The following ACAD9 variants were observed in gnomAD, a reference collection of about 807,000 sequenced individuals.
ACAD9 encodes the protein acyl-CoA dehydrogenase family member 9.
Under a neutral mutation model 70.2 loss-of-function variants are expected in ACAD9, and 53 were observed. The observed-to-expected ratio is 0.75, with a 90% CI of 0.61 to 0.95. The LOEUF is 0.95. ACAD9 is among the 40% of genes least tolerant of loss of function. ACAD9 has a pLI of 0.00. For missense variants in ACAD9, 777 were observed against 802.8 expected (o/e 0.97, Z 0.39); for synonymous variants, 313 against 312.1 (o/e 1.00, Z -0.03).
intron 2 of ACAD9, among the ~76,000 whole-genome samples, chr3:128,887,450 T>G (rs3898708): frequency 0.049 from 7,456 of 151,054 alleles, 375 homozygotes; most frequent in African/African-American, 0.12. Context: ...TACTAAAAAT[T>G]TAAAATATTA....
Position 128,910,785 on chromosome 3 carries a change from T to G in ACAD9, c.1737T>G (p.Asn579Lys), listed in dbSNP as rs1334917428. 1 of 1,614,146 alleles carries G rather than the reference T, an allele frequency of 6.2e-7. No individual in the cohort carries two copies. The highest frequency in any genetic ancestry group is 2.2e-5 in the East Asian group (1 of 44,866). Residue 579 changes from asparagine to lysine, a missense_variant, in exon 17 of 18, where the codon AAT becomes AAG. Physicochemically the swap from Asn to Lys is moderately conservative, Grantham distance 94. Coordinates refer to ENST00000308982, the MANE Select transcript of ACAD9 (RefSeq NM_014049.5). ...TCTGCGTGGAAGCTTACTTGCAGAATCTCTTCAGCCTCTCTCAGCTGGACA... is the reference window on the plus strand; with the variant it reads ...TCTGCGTGGAAGCTTACTTGCAGAAGCTCTTCAGCCTCTCTCAGCTGGACA... ...NTFCVEAYLQ[N>K]LFSLSQLDKY...
In ACAD9 at chr3:128,912,571, C is replaced by T. The variant is rs1026660526; in HGVS notation, c.1830C>T (p.Ala610=). 4.3e-6 allele frequency: 7 copies of T among 1,614,046 alleles called. No homozygotes were observed. The highest frequency in any genetic ancestry group is 5.9e-6 in the Non-Finnish European group (7 of 1,180,032). Residue 610 remains alanine (A), a synonymous_variant, in exon 18 of 18, where the codon GCC becomes GCT. Transcript: ENST00000308982. ...CCCAGCAGATCCTTGAGAAGCGAGC[C>T]TATATCTGTGCCCACCCTCTGGACA... is the stretch of plus-strand genomic sequence containing the variant. ...KVSQQILEKR[A]YICAHPLDRT...
chr3:128,909,924 C>A, intron 15 of ACAD9, 97 bp from the exon 16 acceptor site: 1 of 1,540,770 alleles, frequency 6.5e-7, no homozygotes, highest in Non-Finnish European at 8.9e-7. Context: ...TCAAGGAACA[C>A]AGGAGACTAA....
chr3:128,896,690 C>T (rs974500963), intron 5 of ACAD9, among the ~76,000 whole-genome samples, 154 bp downstream of exon 5: 5 of 152,222 alleles, frequency 3.3e-5, no homozygotes, highest in Non-Finnish European at 7.3e-5. Flanking sequence ...TGCCATTCCT[C>T]TTATCTTGAC....
chr3:128,894,200 T>A (rs1330842392), intron 3 of ACAD9, among the ~76,000 whole-genome samples: 2 of 152,130 alleles, frequency 1.3e-5, no homozygotes, highest in Non-Finnish European at 2.9e-5. Context: ...TGATATAAAA[T>A]TATAAAGGCC....
In ACAD9 at chr3:128,901,356, TGCCAGCCACAGCCCCTTGTACCAGGTA is replaced by T. The variant is rs2107655569; in HGVS notation, c.882+9_882+35del. ...GGTCGGAGATGGGTTTAAGGTGAGT[TGCCAGCCACAGCCCCTTGTACCAGGTA>T]GTGTCATGAGTGCAGTTTGTCGCCC... is the stretch of plus-strand genomic sequence containing the variant. On this transcript the variant is annotated splice_region_variant and intron_variant, in intron 8 of 17. Coordinates refer to ENST00000308982, the MANE Select transcript of ACAD9 (RefSeq NM_014049.5). 1.2e-6 allele frequency: 2 copies of T among 1,614,164 alleles called. No homozygotes were observed. The highest frequency in any genetic ancestry group is 1.6e-4 in the Middle Eastern group (1 of 6,062).
chr3:128,887,497 C>T (rs1382539222), intron 2 of ACAD9, among the ~76,000 whole-genome samples: 1 of 151,524 alleles, frequency 6.6e-6, no homozygotes, highest in Non-Finnish European at 1.5e-5. Flanking sequence ...GTCCCAGCTA[C>T]TTGGGAGTCT....
At chr3:128,903,988 A>G (rs1935816632) in intron 9 of ACAD9, 74 bp from the exon 10 acceptor site, 2 of 1,502,298 alleles carry the variant, frequency 1.3e-6, no homozygotes, top group Admixed American at 1.7e-5. Context: ...AAGGGTAAGG[A>G]TGATGGCCAT....
At chr3:128,893,703 C>A in intron 3 of ACAD9, 47 bp downstream of exon 3, 2 of 1,502,676 alleles carry the variant, frequency 1.3e-6, no homozygotes, top group Non-Finnish European at 1.9e-6. Context: ...CTTAAGAAAG[C>A]ACTCTGTATT....
chr3:128,895,769 G>A (rs1208146250), intron 4 of ACAD9, among the ~76,000 whole-genome samples: 1 of 152,170 alleles, frequency 6.6e-6, no homozygotes, highest in African/African-American at 2.4e-5. Context: ...CACTCTTTAT[G>A]CAAGCCACCT....
intron 13 of ACAD9, chr3:128,908,768 G>A (rs1245971496): frequency 4.2e-6 from 3 of 710,232 alleles, no homozygotes; most frequent in South Asian, 1.7e-5. Flanking sequence ...CACCCCTCAT[G>A]GGGGAGCATA....
At chr3:128,911,900 GAGAACAGAGGGCTTT>G (rs1473402151) in intron 17 of ACAD9, among the ~76,000 whole-genome samples, 2 of 152,238 alleles carry the variant, frequency 1.3e-5, no homozygotes, top group African/African-American at 4.8e-5. Context: ...CCTTGGCCTA[GAGAACAGAGGGCTTT>G]GCTCGTGCTC....
At position 128,908,285 on chromosome 3, in the gene ACAD9, G is replaced by A. The variant is rs377527551; in HGVS notation, c.1358+21G>A. 8 of 1,613,870 alleles carry A rather than the reference G, an allele frequency of 5.0e-6. No homozygotes were observed. In the Admixed American group the frequency reaches 1.3e-4, roughly 27 times the overall value. On this transcript the variant is annotated intron_variant, in intron 13 of 17. Coordinates refer to ENST00000308982, the MANE Select transcript of ACAD9 (RefSeq NM_014049.5). Reference sequence around the variant, plus strand: ...ATCCAGTAGGTGCCATTGTCACCGTGTGCTTCTCAGGTCCCATACCTGCCC... The same window carrying A: ...ATCCAGTAGGTGCCATTGTCACCGTATGCTTCTCAGGTCCCATACCTGCCC...
chr3:128,906,332 G>T (rs1318127008), intron 12 of ACAD9, 83 bp downstream of exon 12: 2 of 1,566,872 alleles, frequency 1.3e-6, no homozygotes, highest in Non-Finnish European at 8.6e-7. Flanking sequence ...CCTCGCAGAG[G>T]CCCCCGCAGC....
chr3:128,909,806 G>A (rs1276790557), intron 15 of ACAD9: 9 of 692,700 alleles, frequency 1.3e-5, no homozygotes, highest in Non-Finnish European at 2.2e-5. Context: ...ACCTGGTCTT[G>A]CCTTAACCCC....
chr3:128,889,310 G>A (rs948778252), intron 2 of ACAD9, among the ~76,000 whole-genome samples: 2 of 152,190 alleles, frequency 1.3e-5, no homozygotes, highest in South Asian at 2.1e-4. Context: ...CACCACGCCC[G>A]GCCTACTGTA....
chr3:128,897,161 A>G (rs184160653), intron 5 of ACAD9, among the ~76,000 whole-genome samples: 8 of 152,290 alleles, frequency 5.3e-5, no homozygotes, highest in Admixed American at 3.9e-4. Flanking sequence ...GGCTAAATCC[A>G]GCCTCCTGCC....
chr3:128,913,011 GCT>G lies in ACAD9; in HGVS notation c.*407_*408del, dbSNP rs756834851. ...ACATTCTCTAAGAAACAGCTTGAAAGCTCTGTCTGGGTCATTCATTTAAACTA... is the reference window on the plus strand; with the variant it reads ...ACATTCTCTAAGAAACAGCTTGAAAGCTGTCTGGGTCATTCATTTAAACTA... On this transcript the variant is annotated 3_prime_UTR_variant, in exon 18 of 18. Transcript: ENST00000308982. 1.3e-5 allele frequency: 6 copies of G among 459,954 alleles called. No homozygotes were observed. Among genetic ancestry groups the G allele is most frequent in the Admixed American group, 2.3e-5 (1 of 42,718 alleles). 28.5% of individuals were successfully genotyped at this position (459,954 alleles called of 1,614,324 possible). A position where few individuals can be genotyped will look rare whatever the true frequency, so the allele number is the denominator to read the frequency against.
chr3:128,897,688 A>G lies in ACAD9; in HGVS notation c.611A>G (p.His204Arg), dbSNP rs764191262. ...GCCACACTAAGTGAAGACAAGAAGC[A>G]CTACATCCTCAATGGCTCCAAGGTA... ...SRATLSEDKK[H>R]YILNGSKVWI... The change falls in exon 6 of 18, where the codon CAC (histidine) becomes CGC (arginine). Residue 204 changes from histidine to arginine, a missense_variant. Physicochemically the swap from His to Arg is conservative, Grantham distance 29. Transcript: ENST00000308982. 4 of 1,613,700 alleles carry G rather than the reference A, an allele frequency of 2.5e-6. No homozygotes were observed. Among genetic ancestry groups the G allele is most frequent in the East Asian group, 2.2e-5 (1 of 44,894 alleles).
Sources: gnomAD v4.1 joint callset for allele counts (sites outside exome capture counted in the v4.1 genomes callset) on GRCh38, gnomAD v4.1.1 for gene constraint, MANE v1.5 for transcripts, NCBI Gene and HGNC (gene_info 2026-07-23, HGNC 2026-07-21) for gene names.